The following PDE1C variants were observed in gnomAD, a reference collection of about 807,000 sequenced individuals.
PDE1C encodes the protein phosphodiesterase 1C.
PDE1C carries 62 observed loss-of-function variants against 93.1 expected under a neutral mutation model. That is an observed-to-expected ratio of 0.67 (90% CI 0.54 to 0.82). The LOEUF is 0.82. PDE1C is among the 40% of genes least tolerant of loss of function. The pLI, the probability that PDE1C is intolerant of heterozygous loss-of-function variation, is 0.00. For synonymous variants in PDE1C, 325 were observed against 310.1 expected, an observed-to-expected ratio of 1.05 and a Z score of -0.50; for missense variants, 742 against 884.6, an observed-to-expected ratio of 0.84 and a Z score of 2.04.
chr7:32,015,842 A>G (rs1011657253), intron 2 of PDE1C, among the ~76,000 whole-genome samples: 2 of 152,186 alleles, frequency 1.3e-5, no homozygotes, highest in African/African-American at 4.8e-5. Flanking sequence ...TATAATAATC[A>G]TTGATACATG....
chr7:31,791,674 C>G (rs1784610234), intron 16 of PDE1C, among the ~76,000 whole-genome samples: 1 of 152,066 alleles, frequency 6.6e-6, no homozygotes, highest in Admixed American at 6.6e-5. Context: ...TTTTTAATAA[C>G]AGACCCATTG....
intron 11 of PDE1C, among the ~76,000 whole-genome samples, chr7:31,833,302 T>A (rs1790655324): frequency 6.6e-6 from 1 of 152,214 alleles, no homozygotes; most frequent in Non-Finnish European, 1.5e-5. Context: ...TACCCAGTCT[T>A]GGGTATTCTT....
the PDE1C span, among the ~76,000 whole-genome samples, chr7:31,619,644 G>A: frequency 6.6e-6 from 1 of 152,052 alleles, no homozygotes; most frequent in Non-Finnish European, 1.5e-5. Context: ...GGCCGAATAG[G>A]AACAGCTCCA....
the PDE1C span, among the ~76,000 whole-genome samples, chr7:31,737,999 C>T: frequency 6.6e-6 from 1 of 152,102 alleles, no homozygotes; most frequent in African/African-American, 2.4e-5. Context: ...TCTCCTTCCC[C>T]TTTGGGCTGG....
In PDE1C at chr7:32,348,419, C is replaced by T. The variant is rs954517630; in HGVS notation, c.310+79403G>A. Among the ~76,000 whole-genome samples the T allele has an allele frequency of 3.4e-5, 4 of 118,148 alleles. No individual in the cohort carries two copies. In the East Asian group the frequency reaches 1.1e-3, roughly 34 times the overall value. The allele number at this position is 118,148 out of a possible 152,430, so 77.5% of individuals were successfully genotyped here. On this transcript the variant is annotated intron_variant, in intron 1 of 1. Transcript: ENST00000672256. ...TCGCTCTGTCACCCAGGCTGGAGTG[C>T]AGTGGTATGATCTTGGCTCACTGCA...
chr7:32,128,176 A>G (rs1429352502), intron 3 of PDE1C, among the ~76,000 whole-genome samples: 1 of 130,222 alleles, frequency 7.7e-6, no homozygotes, highest in East Asian at 2.0e-4. Context: ...AAAAAAATTA[A>G]TTTAGTGCCT....
intron 17 of PDE1C, among the ~76,000 whole-genome samples, chr7:31,769,056 A>G (rs372954312): frequency 3.9e-5 from 6 of 152,040 alleles, no homozygotes; most frequent in East Asian, 3.9e-4. Context: ...TCAGCCTCCC[A>G]AAGTGCTGAG....
intron 16 of PDE1C, among the ~76,000 whole-genome samples, chr7:31,806,338 C>T (rs377676651): frequency 3.9e-5 from 6 of 151,910 alleles, no homozygotes; most frequent in East Asian, 1.9e-4. Context: ...ACAAACATGA[C>T]TAAAAATGCA....
At chr7:32,159,459 T>C (rs1801775729) in intron 3 of PDE1C, among the ~76,000 whole-genome samples, 1 of 152,184 alleles carries the variant, frequency 6.6e-6, no homozygotes, top group South Asian at 2.1e-4. Context: ...TTATTTAGGG[T>C]ACCTTAATTT....
chr7:32,377,631 TATTA>T (rs1251307433), intron 1 of PDE1C, among the ~76,000 whole-genome samples: 1 of 152,198 alleles, frequency 6.6e-6, no homozygotes, highest in African/African-American at 2.4e-5. Context: ...GCTTTATAGA[TATTA>T]ATTTATTTAG....
chr7:32,189,225 G>A (rs74674334), intron 2 of PDE1C, among the ~76,000 whole-genome samples: 2,508 of 152,274 alleles, frequency 0.016, 87 homozygotes, highest in African/African-American at 0.057. Flanking sequence ...AAAGATTAAA[G>A]GGAGACTGTT....
At chr7:32,167,121 A>G (rs1282456936) in intron 3 of PDE1C, among the ~76,000 whole-genome samples, 1 of 152,198 alleles carries the variant, frequency 6.6e-6, no homozygotes, top group African/African-American at 2.4e-5. Flanking sequence ...AACACCCATC[A>G]TTGATAAATT....
At position 32,086,570 on chromosome 7, in the gene PDE1C, A is replaced by C. The variant is rs533972771; in HGVS notation, c.308+83215T>G. Among the ~76,000 whole-genome samples, 14 of 152,132 alleles carry C rather than the reference A, an allele frequency of 9.2e-5. No individual in the cohort carries two copies. In the East Asian group the frequency reaches 2.3e-3, roughly 25 times the overall value. On this transcript the variant is annotated intron_variant, in intron 3 of 18. Transcript: ENST00000396193. ...AAGTCAATCCTAAGCCAAAAGAACA[A>C]AGCTGGAGGCATCACGCTACCTGAC...
At chr7:31,747,020 G>T (rs891439032), downstream of PDE1C, among the ~76,000 whole-genome samples, 1 of 152,106 alleles carries the variant, frequency 6.6e-6, no homozygotes, top group African/African-American at 2.4e-5. Context: ...TTCAGTAGAG[G>T]ACACAATCAA....
intron 1 of PDE1C, among the ~76,000 whole-genome samples, chr7:32,389,975 G>A (rs541389478): frequency 9.2e-5 from 14 of 152,120 alleles, no homozygotes; most frequent in African/African-American, 3.4e-4. Flanking sequence ...CTAAGGAATT[G>A]GTCTATATTG....
At chr7:31,899,246 C>G (rs1032241834) in intron 2 of PDE1C, among the ~76,000 whole-genome samples, 1 of 148,718 alleles carries the variant, frequency 6.7e-6, no homozygotes, top group Non-Finnish European at 1.5e-5. Flanking sequence ...TCACACCATT[C>G]TCCTGCGTCA....
At chr7:32,419,978 A>C (rs1254758577) in intron 1 of PDE1C, among the ~76,000 whole-genome samples, 1 of 149,148 alleles carries the variant, frequency 6.7e-6, no homozygotes, top group Non-Finnish European at 1.5e-5. Context: ...TAATCCCAGC[A>C]GTTTGGGAGG....
chr7:31,792,416 G>C (rs1778840592), intron 16 of PDE1C, among the ~76,000 whole-genome samples: 2 of 152,082 alleles, frequency 1.3e-5, no homozygotes, highest in South Asian at 4.1e-4. Flanking sequence ...GTGTGGTGAT[G>C]AATAGGAGGT....
At chr7:31,656,662 G>A in the PDE1C span, among the ~76,000 whole-genome samples, 1 of 152,162 alleles carries the variant, frequency 6.6e-6, no homozygotes, top group Non-Finnish European at 1.5e-5. Flanking sequence ...ACGGTTATAG[G>A]TTGTAGAAGG....
Sources: gnomAD v4.1 joint callset for allele counts (sites outside exome capture counted in the v4.1 genomes callset) on GRCh38, gnomAD v4.1.1 for gene constraint, MANE v1.5 for transcripts, NCBI Gene and HGNC (gene_info 2026-07-23, HGNC 2026-07-21) for gene names.